Variants in EHBP1 observed in about 807,000 individuals in gnomAD.
EHBP1 encodes the protein EH domain-binding protein 1.
In EHBP1, 55 loss-of-function variants were observed where a neutral mutation model predicts 144.0. The ratio of observed to expected loss-of-function variants is 0.38; its 90% confidence interval spans 0.31 to 0.48. EHBP1 has a LOEUF of 0.48. Ranked by LOEUF, EHBP1 falls within the 20% of genes least tolerant of loss-of-function variation. The pLI is 0.98. For missense variants in EHBP1, 1,200 were observed against 1,364.2 expected (o/e 0.88, Z 1.90); for synonymous variants, 469 against 472.7 (o/e 0.99, Z 0.10).
intron 3 of EHBP1, among the ~76,000 whole-genome samples, chr2:62,753,888 A>G (rs185368182): frequency 3.0e-4 from 46 of 152,278 alleles, no homozygotes; most frequent in African/African-American, 1.1e-3. Context: ...CTAGTTAGAC[A>G]TTCGTCTAAT....
intron 14 of EHBP1, among the ~76,000 whole-genome samples, chr2:62,960,291 C>G (rs2057936486): frequency 6.6e-6 from 1 of 152,062 alleles, no homozygotes; most frequent in Non-Finnish European, 1.5e-5. Flanking sequence ...TTTCATTCTA[C>G]AGTCCAGTTA....
intron 14 of EHBP1, among the ~76,000 whole-genome samples, chr2:62,976,373 C>G (rs189966111): frequency 1.8e-4 from 27 of 152,272 alleles, no homozygotes; most frequent in Admixed American, 5.9e-4. Flanking sequence ...GGTTTCTACC[C>G]TTGTCCCTAA....
At chr2:62,737,140 T>C (rs2038214105) in intron 2 of EHBP1, among the ~76,000 whole-genome samples, 1 of 152,202 alleles carries the variant, frequency 6.6e-6, no homozygotes, top group South Asian at 2.1e-4. Context: ...CCAGGTCAGT[T>C]AGGCTCTGAC....
intron 5 of EHBP1, among the ~76,000 whole-genome samples, chr2:62,820,847 A>T (rs575302288): frequency 3.4e-5 from 5 of 145,996 alleles, no homozygotes; most frequent in African/African-American, 1.3e-4. Flanking sequence ...AGTAATAAAA[A>T]ATTTAGAATA....
chr2:62,703,232 T>C (rs1354637028), upstream of EHBP1, among the ~76,000 whole-genome samples: 6 of 150,776 alleles, frequency 4.0e-5, no homozygotes, highest in Non-Finnish European at 7.4e-5. Flanking sequence ...CCAGTCGTGG[T>C]AGCATGCGAC....
At chr2:62,987,256 T>C (rs1282111356) in intron 15 of EHBP1, among the ~76,000 whole-genome samples, 1 of 152,132 alleles carries the variant, frequency 6.6e-6, no homozygotes, top group East Asian at 1.9e-4. Flanking sequence ...ACCCAAAACA[T>C]TTTACTAGGG....
rs1196945498 is a variant in EHBP1 at position 63,045,166 on chromosome 2, C to T, written c.3378C>T (p.Asp1126=). 3.1e-6 allele frequency: 5 copies of T among 1,589,160 alleles called. No homozygotes were observed. Among genetic ancestry groups the T allele is most frequent in the South Asian group, 2.3e-5 (2 of 87,590 alleles). ...NKRDALVRDL[D]AQEKQAEEED... ...GCGATGCGCTCGTCAGGGACCTGGA[C>T]GCGCAGGAGAAGCAGTGAGTGGGCA... The change falls in exon 22 of 23, where the codon GAC becomes GAT. Residue 1126 remains aspartate, a synonymous_variant. Coordinates refer to ENST00000431489, the MANE Select transcript of EHBP1 (RefSeq NM_001142616.3). The surrounding 1 kb of genome is among the most constrained non-coding windows in gnomAD (Gnocchi z 5.7).
rs776199283 is a variant in EHBP1, at chr2:62,845,696, T to TA, written c.635-13457dup. Among the ~76,000 whole-genome samples the TA allele has an allele frequency of 4.0e-3, 530 of 133,224 alleles. 3 individuals are homozygous for TA. Among genetic ancestry groups the TA allele is most frequent in the African/African-American group, 0.011 (385 of 36,134 alleles). The allele number at this position is 133,224 out of a possible 152,430, so 87.4% of individuals were successfully genotyped here. ...ATCATAGGATTGTTATGGGCTCAAT[T>TA]AAAAAAAAAAAAAAAAGATTAGCCA... On this transcript the variant is annotated intron_variant, in intron 7 of 22. Coordinates refer to ENST00000431489, the MANE Select transcript of EHBP1 (RefSeq NM_001142616.3).
chr2:63,037,158 T>C (rs2061473272), intron 19 of EHBP1, among the ~76,000 whole-genome samples: 1 of 151,996 alleles, frequency 6.6e-6, no homozygotes, highest in African/African-American at 2.4e-5. Flanking sequence ...CTGCTAGTCT[T>C]ATGAGTCTCA....
Position 62,771,337 on chromosome 2 carries a change from A to G in EHBP1, c.259-2A>G. ...CCATTTCATATTTTGCTTTTGTTAC[A>G]GGATCCTCATGCGGAAGAATTTGAA... On this transcript the variant is annotated splice_acceptor_variant, in intron 4 of 22. Coordinates refer to ENST00000431489, the MANE Select transcript of EHBP1 (RefSeq NM_001142616.3). LOFTEE classifies it high-confidence loss of function. 1 of 1,593,600 alleles carries G rather than the reference A, an allele frequency of 6.3e-7. No homozygotes were observed. Among genetic ancestry groups the G allele is most frequent in the Non-Finnish European group, 8.5e-7 (1 of 1,169,832 alleles).
intron 19 of EHBP1, among the ~76,000 whole-genome samples, chr2:63,012,825 A>T (rs1031375235): frequency 6.6e-6 from 1 of 152,200 alleles, no homozygotes; most frequent in African/African-American, 2.4e-5. Context: ...ATCATTCAAG[A>T]TACAAGGGCA....
At chr2:62,928,280 C>T (rs1448124631) in intron 10 of EHBP1, among the ~76,000 whole-genome samples, 1 of 152,152 alleles carries the variant, frequency 6.6e-6, no homozygotes, top group Non-Finnish European at 1.5e-5. Flanking sequence ...TCTGTGCTAA[C>T]CCGATGGCCT....
intron 5 of EHBP1, among the ~76,000 whole-genome samples, chr2:62,809,960 C>T (rs1383400575): frequency 1.3e-5 from 2 of 152,138 alleles, no homozygotes; most frequent in African/African-American, 4.8e-5. Context: ...AAGGGACATA[C>T]ATGTTTAATA....
At chr2:62,743,699 C>T (rs1361098189) in intron 2 of EHBP1, among the ~76,000 whole-genome samples, 2 of 152,074 alleles carry the variant, frequency 1.3e-5, no homozygotes, top group Non-Finnish European at 2.9e-5. Flanking sequence ...AAAATTTAAG[C>T]CAGAAATGTT....
intron 2 of EHBP1, among the ~76,000 whole-genome samples, chr2:62,710,470 T>G (rs1403174160): frequency 2.0e-5 from 3 of 151,356 alleles, no homozygotes; most frequent in Non-Finnish European, 4.4e-5. Flanking sequence ...TTTTAGTTTC[T>G]TATTTTTCTA....
chr2:62,765,187 G>A (rs951411861), intron 4 of EHBP1, among the ~76,000 whole-genome samples: 3 of 152,016 alleles, frequency 2.0e-5, no homozygotes, highest in Non-Finnish European at 2.9e-5. Flanking sequence ...GGTTAATTAT[G>A]TAGAGATACC....
chr2:62,788,692 T>C (rs939402355), intron 5 of EHBP1, among the ~76,000 whole-genome samples: 2 of 152,218 alleles, frequency 1.3e-5, no homozygotes, highest in Non-Finnish European at 2.9e-5. Context: ...TAATTTTGTT[T>C]TTATATTCTT....
chr2:62,737,664 G>T (rs1315070595), intron 2 of EHBP1, among the ~76,000 whole-genome samples: 1 of 152,072 alleles, frequency 6.6e-6, no homozygotes, highest in African/African-American at 2.4e-5. Flanking sequence ...AACTTTTGAG[G>T]AACTGCCAGA....
Position 62,993,367 on chromosome 2 carries a change from C to A in EHBP1, c.2734-163C>A, listed in dbSNP as rs927679959. ...GTGTCCCAAAGTTTGTGATTACAGG[C>A]AACAGAACTTGCAGTTGAGCTCTTT... On this transcript the variant is annotated intron_variant, in intron 16 of 22. Transcript: ENST00000431489. Among the ~76,000 whole-genome samples, 7 of 152,112 alleles carry A rather than the reference C, an allele frequency of 4.6e-5. No individual in the cohort carries two copies. The South Asian group carries it at 1.4e-3, about 32-fold the overall frequency.
Sources: allele counts gnomAD v4.1 joint callset (sites outside exome capture counted in the v4.1 genomes callset), GRCh38; gene constraint gnomAD v4.1.1; non-coding constraint Gnocchi (gnomAD v3.1); transcripts MANE v1.5; gene names NCBI Gene and HGNC (gene_info 2026-07-23, HGNC 2026-07-21).